ST8SIA5: variants seen among roughly 807,000 people sequenced by gnomAD.
ST8SIA5 encodes the protein ST8 alpha-N-acetyl-neuraminide alpha-2,8-sialyltransferase 5, also known as alpha-2,8-sialyltransferase 8E.
In ST8SIA5, 24 loss-of-function variants were observed where a neutral mutation model predicts 40.2. The ratio of observed to expected loss-of-function variants is 0.60; its 90% CI spans 0.43 to 0.84. The LOEUF (loss-of-function observed/expected upper bound fraction) is 0.84. ST8SIA5 is among the 40% of genes least tolerant of loss of function. The pLI, the probability that ST8SIA5 is intolerant of heterozygous loss-of-function variation, is 0.00. For missense variants in ST8SIA5, 465 were observed against 498.5 expected (o/e 0.93, Z 0.64); for synonymous variants, 198 against 201.8 (o/e 0.98, Z 0.16).
intron 3 of ST8SIA5, among the ~76,000 whole-genome samples, chr18:46,691,031 G>A (rs911922335): frequency 2.6e-5 from 4 of 152,170 alleles, no homozygotes; most frequent in African/African-American, 7.2e-5. Context: ...GGTCTCACTC[G>A]CCCCCAGGGG....
chr18:46,692,492 C>A (rs987897679), intron 2 of ST8SIA5, among the ~76,000 whole-genome samples: 1 of 151,990 alleles, frequency 6.6e-6, no homozygotes, highest in Admixed American at 6.5e-5. Flanking sequence ...CAACCTCCGC[C>A]TCTGGGGTTC....
chr18:46,748,881 T>A (rs1159220961), intron 1 of ST8SIA5, among the ~76,000 whole-genome samples: 1 of 152,160 alleles, frequency 6.6e-6, no homozygotes, highest in African/African-American at 2.4e-5. Context: ...CCAGTTCTAC[T>A]CACAGGTATA....
At chr18:46,744,881 C>T (rs2040123948) in intron 1 of ST8SIA5, among the ~76,000 whole-genome samples, 1 of 152,198 alleles carries the variant, frequency 6.6e-6, no homozygotes, top group African/African-American at 2.4e-5. Context: ...GACCACAGTG[C>T]AATCAAATTA....
chr18:46,730,238 G>T, intron 1 of ST8SIA5: 1 of 985,338 alleles, frequency 1.0e-6, no homozygotes, highest in Non-Finnish European at 1.2e-6. Flanking sequence ...GAGATTCTTG[G>T]ATAGGGGGGC....
chr18:46,732,206 G>A (rs1199382647), intron 1 of ST8SIA5, among the ~76,000 whole-genome samples: 2 of 152,200 alleles, frequency 1.3e-5, no homozygotes, highest in Admixed American at 6.5e-5. Context: ...GCAGCATCTT[G>A]CTCCATCCTG....
intron 1 of ST8SIA5, among the ~76,000 whole-genome samples, chr18:46,737,078 G>C (rs1339438465): frequency 6.6e-6 from 1 of 152,178 alleles, no homozygotes; most frequent in African/African-American, 2.4e-5. Context: ...ACAGAGACCA[G>C]ACAGGCCGTC....
rs558409964 is a variant in ST8SIA5 at position 46,752,076 on chromosome 18, C to A, written c.131+4302G>T. 5.9e-5 allele frequency among the ~76,000 whole-genome samples: 9 copies of A among 152,288 alleles called. No homozygotes were observed. The South Asian group carries it at 1.9e-3, about 32-fold the overall frequency. Reference sequence around the variant, plus strand: ...TCTGTCCCCAGCAATATAGCTCTAACCCCTGAGTCATGCAGATTCACTCAA... The same window carrying A: ...TCTGTCCCCAGCAATATAGCTCTAAACCCTGAGTCATGCAGATTCACTCAA... On this transcript the variant is annotated intron_variant, in intron 1 of 6. Coordinates refer to ENST00000315087, the MANE Select transcript of ST8SIA5 (RefSeq NM_013305.6).
At chr18:46,709,615 T>C (rs916661679) in intron 1 of ST8SIA5, among the ~76,000 whole-genome samples, 10 of 152,186 alleles carry the variant, frequency 6.6e-5, no homozygotes, top group Admixed American at 6.5e-4. Context: ...AAAATGTTGC[T>C]TAAAGTTTTT....
At position 46,756,794 on chromosome 18, in the gene ST8SIA5, G is replaced by C; in HGVS notation, c.-286C>G. 2.8e-6 allele frequency: 1 copy of C among 361,892 alleles called. No homozygotes were observed. Among genetic ancestry groups the C allele is most frequent in the Non-Finnish European group, 4.9e-6 (1 of 202,370 alleles). 22.4% of individuals were successfully genotyped at this position (361,892 alleles called of 1,614,324 possible). On this transcript the variant is annotated 5_prime_UTR_variant, in exon 1 of 7. Transcript: ENST00000315087. Reference sequence around the variant, plus strand: ...ACCTTTACCTCCAGGCGCCGGTGCCGGGTAGCCGCCGATTTCCCCGCGGAG... The same window carrying C: ...ACCTTTACCTCCAGGCGCCGGTGCCCGGTAGCCGCCGATTTCCCCGCGGAG...
At chr18:46,694,297 T>G (rs1400926119) in intron 2 of ST8SIA5, among the ~76,000 whole-genome samples, 1 of 152,214 alleles carries the variant, frequency 6.6e-6, no homozygotes, top group African/African-American at 2.4e-5. Flanking sequence ...CTAAATAAAG[T>G]TAAATGCTTT....
At chr18:46,705,702 G>T (rs1049637910) in intron 1 of ST8SIA5, among the ~76,000 whole-genome samples, 3 of 152,252 alleles carry the variant, frequency 2.0e-5, no homozygotes, top group African/African-American at 4.8e-5. Flanking sequence ...TTCAGAGGCA[G>T]GGGTGGGTGG....
chr18:46,697,124 TAAAA>T (rs35310725), intron 2 of ST8SIA5, among the ~76,000 whole-genome samples: 3 of 126,824 alleles, frequency 2.4e-5, no homozygotes, highest in African/African-American at 5.8e-5. Context: ...GTTCCTCTGT[TAAAA>T]AAAAAAAAAA....
At chr18:46,752,163 T>C (rs1329163692) in intron 1 of ST8SIA5, among the ~76,000 whole-genome samples, 1 of 152,208 alleles carries the variant, frequency 6.6e-6, no homozygotes, top group African/African-American at 2.4e-5. Context: ...CTTTCACTTC[T>C]GCCTATGCCT....
At chr18:46,748,719 G>A (rs1017671331) in intron 1 of ST8SIA5, among the ~76,000 whole-genome samples, 8 of 117,058 alleles carry the variant, frequency 6.8e-5, no homozygotes, top group Non-Finnish European at 1.3e-4. Context: ...CACTGAGATG[G>A]CTATAATCCA....
chr18:46,732,240 G>C (rs2039992295), intron 1 of ST8SIA5, among the ~76,000 whole-genome samples: 1 of 152,218 alleles, frequency 6.6e-6, no homozygotes, highest in South Asian at 2.1e-4. Context: ...GAGGGAGAGA[G>C]GTAGAGTGCA....
At chr18:46,680,537 G>A (rs755796349) in intron 6 of ST8SIA5, 27 bp from the exon 7 acceptor site, 2 of 1,536,332 alleles carry the variant, frequency 1.3e-6, no homozygotes, top group South Asian at 2.5e-5. Context: ...TGAGAGGTGA[G>A]CACCCACTCC....
At chr18:46,687,100 G>A (rs751671297) in intron 4 of ST8SIA5, among the ~76,000 whole-genome samples, 1 of 152,188 alleles carries the variant, frequency 6.6e-6, no homozygotes, top group African/African-American at 2.4e-5. Flanking sequence ...CATACAGCCC[G>A]TGGGCCACAT....
intron 1 of ST8SIA5, among the ~76,000 whole-genome samples, chr18:46,728,885 G>A (rs1273617945): frequency 6.6e-6 from 1 of 152,100 alleles, no homozygotes; most frequent in East Asian, 1.9e-4. Context: ...AGCTTCCTAA[G>A]GAGTATCCCA....
chr18:46,710,066 C>A (rs2039707589), intron 1 of ST8SIA5, among the ~76,000 whole-genome samples: 1 of 152,170 alleles, frequency 6.6e-6, no homozygotes, highest in Non-Finnish European at 1.5e-5. Context: ...GGAGGGCACC[C>A]TGGCACCATG....
Sources: gnomAD v4.1 joint callset for allele counts (sites outside exome capture counted in the v4.1 genomes callset) on GRCh38, gnomAD v4.1.1 for gene constraint, MANE v1.5 for transcripts, NCBI Gene and HGNC (gene_info 2026-07-23, HGNC 2026-07-21) for gene names.